The following SYTL5 variants were observed in gnomAD, a reference collection of about 807,000 sequenced individuals.
The protein encoded by SYTL5 is synaptotagmin like 5.
A neutral mutation model predicts 55.9 loss-of-function variants in SYTL5; 34 were observed. The observed-to-expected ratio is 0.61, with a 90% CI of 0.46 to 0.81. The LOEUF (loss-of-function observed/expected upper bound fraction) is 0.81. Among genes scored for constraint, SYTL5 ranks in the 30% least tolerant of loss-of-function variants. The pLI, the probability that SYTL5 is intolerant of heterozygous loss-of-function variation, is 0.00. For synonymous variants in SYTL5, 221 were observed against 188.7 expected, an observed-to-expected ratio of 1.17 and a Z score of -1.40; for missense variants, 637 against 546.7, an observed-to-expected ratio of 1.17 and a Z score of -1.65.
At position 38,012,846 on chromosome X, in the gene SYTL5, T is replaced by C. The variant is rs188703918; in HGVS notation, c.-357+6178T>C. Among the ~76,000 whole-genome samples the C allele has an allele frequency of 1.0e-2, 1,117 of 112,096 alleles. 5 individuals are homozygous for C. The highest frequency in any genetic ancestry group is 0.017 in the Non-Finnish European group (895 of 53,133). ...GAGCCTATTGCAAAATAGGCATTTT[T>C]CCCAACTTTCAACAGATAATGGTAT... On this transcript the variant is annotated intron_variant, in intron 1 of 16. Coordinates refer to ENST00000297875, the MANE Select transcript of SYTL5 (RefSeq NM_138780.3).
At chrX:37,908,540 C>T in the SYTL5 span, among the ~76,000 whole-genome samples, 4 of 111,719 alleles carry the variant, frequency 3.6e-5, no homozygotes, top group Admixed American at 3.8e-4. Context: ...GTCTTCTAGA[C>T]TGTCAAGAAA....
At chrX:38,126,001 G>A (rs772800408) in intron 16 of SYTL5, among the ~76,000 whole-genome samples, 1 of 111,754 alleles carries the variant, frequency 8.9e-6, no homozygotes, top group African/African-American at 3.3e-5. Flanking sequence ...AACAGATCAA[G>A]GAAACCCACC....
intron 2 of SYTL5, among the ~76,000 whole-genome samples, chrX:38,046,995 T>A (rs1385449098): frequency 8.9e-6 from 1 of 112,210 alleles, no homozygotes; most frequent in Non-Finnish European, 1.9e-5. Flanking sequence ...AAGAGGTGGG[T>A]TCCCATGGTC....
intron 13 of SYTL5, among the ~76,000 whole-genome samples, chrX:38,116,587 A>C (rs1232344546): frequency 8.9e-6 from 1 of 112,682 alleles, no homozygotes; most frequent in Non-Finnish European, 1.9e-5. Flanking sequence ...TTCTTCTAAA[A>C]AATGTATGAT....
chrX:37,966,678 C>T, the SYTL5 span, among the ~76,000 whole-genome samples: 3 of 110,856 alleles, frequency 2.7e-5, no homozygotes, highest in Non-Finnish European at 5.7e-5. Context: ...CCTTGTGATC[C>T]GCCTGCCTTG....
the SYTL5 span, chrX:37,946,086 T>A: frequency 8.4e-6 from 1 of 118,639 alleles, no homozygotes. Flanking sequence ...TCTTTTTACC[T>A]GGGTTTCTAT....
the SYTL5 span, chrX:37,991,128 A>T: frequency 2.5e-6 from 3 of 1,209,706 alleles, no homozygotes; most frequent in Non-Finnish European, 3.4e-6. Context: ...TGAGCCCCAC[A>T]GCGCTGAGAG....
the SYTL5 span, chrX:37,946,524 A>T: frequency 4.7e-6 from 1 of 212,185 alleles, no homozygotes; most frequent in South Asian, 6.6e-5. Context: ...CCATGTAATT[A>T]ATTCTTCTTT....
the SYTL5 span, among the ~76,000 whole-genome samples, chrX:37,993,302 T>G: frequency 1.8e-5 from 2 of 111,966 alleles, no homozygotes; most frequent in Non-Finnish European, 3.8e-5. Flanking sequence ...AAATTAAATG[T>G]TGAAACTAAA....
chrX:37,953,128 T>G, the SYTL5 span, among the ~76,000 whole-genome samples: 2 of 111,070 alleles, frequency 1.8e-5, no homozygotes, highest in East Asian at 5.6e-4. Context: ...AAAGACTCTG[T>G]CTAAAAAATA....
At chrX:38,083,751 G>A (rs1425192934) in intron 6 of SYTL5, among the ~76,000 whole-genome samples, 1 of 97,339 alleles carries the variant, frequency 1.0e-5, no homozygotes, top group Non-Finnish European at 2.0e-5. Flanking sequence ...CTTCTCCAAA[G>A]AGTTTAGTTT....
At chrX:38,091,408 A>G (rs1264708209) in intron 7 of SYTL5, among the ~76,000 whole-genome samples, 4 of 112,320 alleles carry the variant, frequency 3.6e-5, no homozygotes, top group African/African-American at 1.3e-4. Context: ...AGGTGCATGG[A>G]TAGTTGACGA....
chrX:37,964,880 G>T, the SYTL5 span, among the ~76,000 whole-genome samples: 3 of 110,692 alleles, frequency 2.7e-5, no homozygotes, highest in Middle Eastern at 4.6e-3. Context: ...TGTAAAATTG[G>T]GTAAGGTAAT....
At chrX:37,962,818 T>A in the SYTL5 span, among the ~76,000 whole-genome samples, 1 of 112,201 alleles carries the variant, frequency 8.9e-6, no homozygotes, top group Non-Finnish European at 1.9e-5. Context: ...CCTCTTCCTC[T>A]TTTAATAAAG....
the SYTL5 span, among the ~76,000 whole-genome samples, chrX:37,963,531 G>A: frequency 3.6e-5 from 4 of 111,411 alleles, no homozygotes; most frequent in Non-Finnish European, 7.5e-5. Flanking sequence ...CTCATGATCC[G>A]CCTGCCCCGG....
At chrX:38,057,831 A>G (rs1052202596) in intron 3 of SYTL5, among the ~76,000 whole-genome samples, 4 of 111,447 alleles carry the variant, frequency 3.6e-5, no homozygotes, top group Admixed American at 2.9e-4. Context: ...AGCTCTTTAT[A>G]TATTCTACGT....
At chrX:38,106,272 T>C (rs1206448783) in intron 10 of SYTL5, among the ~76,000 whole-genome samples, 2 of 112,134 alleles carry the variant, frequency 1.8e-5, no homozygotes, top group Non-Finnish European at 3.8e-5. Flanking sequence ...AGACGAGAAG[T>C]GAGATTTGAA....
chrX:38,005,773 G>A (rs973726690), upstream of SYTL5, among the ~76,000 whole-genome samples: 8 of 111,607 alleles, frequency 7.2e-5, no homozygotes, highest in Admixed American at 3.8e-4. Flanking sequence ...TAACTCTCTT[G>A]GTACTTCAAG....
intron 6 of SYTL5, among the ~76,000 whole-genome samples, chrX:38,080,010 T>C (rs1706060753): frequency 8.9e-6 from 1 of 111,932 alleles, no homozygotes; most frequent in Non-Finnish European, 1.9e-5. Flanking sequence ...TTATCTGAAA[T>C]TCAAGTTTAA....
Sources: allele counts gnomAD v4.1 joint callset (sites outside exome capture counted in the v4.1 genomes callset), GRCh38; gene constraint gnomAD v4.1.1; transcripts MANE v1.5; gene names NCBI Gene and HGNC (gene_info 2026-07-23, HGNC 2026-07-21).